TENM2: variants seen among roughly 807,000 people sequenced by gnomAD.
The protein encoded by TENM2 is teneurin transmembrane protein 2, also known as teneurin-2.
TENM2 carries 52 observed loss-of-function variants against 245.2 expected under a neutral mutation model. That is an observed-to-expected ratio of 0.21 (90% CI 0.17 to 0.27). The LOEUF is 0.27. Ranked by LOEUF, TENM2 falls within the 10% of genes least tolerant of loss-of-function variation. The pLI is 1.00. For synonymous variants in TENM2, 1,363 were observed against 1,438.9 expected, an observed-to-expected ratio of 0.95 and a Z score of 1.19; for missense variants, 3,046 against 3,666.8, an observed-to-expected ratio of 0.83 and a Z score of 4.37.
intron 3 of TENM2, among the ~76,000 whole-genome samples, chr5:167,926,128 A>T (rs1174600977): frequency 6.6e-6 from 1 of 152,212 alleles, no homozygotes; most frequent in African/African-American, 2.4e-5. Context: ...GAAAAATAAA[A>T]TAAAAATAAA....
chr5:168,135,716 TA>T (rs35396906), intron 12 of TENM2, among the ~76,000 whole-genome samples: 2,409 of 150,122 alleles, frequency 0.016, 48 homozygotes, highest in African/African-American at 0.052. Flanking sequence ...TCCCTCTAAT[TA>T]AAAAAAAAAT....
intron 2 of TENM2, among the ~76,000 whole-genome samples, chr5:167,654,999 C>A (rs190392140): frequency 6.6e-6 from 1 of 152,144 alleles, no homozygotes; most frequent in African/African-American, 2.4e-5. Context: ...GAAGCCTACA[C>A]GATAAGTGCA....
At chr5:167,279,385 A>G in the TENM2 span, among the ~76,000 whole-genome samples, 1 of 152,096 alleles carries the variant, frequency 6.6e-6, no homozygotes, top group Non-Finnish European at 1.5e-5. Flanking sequence ...CTCTGATGAC[A>G]TGAACATTAG....
At chr5:167,276,350 T>TGTG in the TENM2 span, among the ~76,000 whole-genome samples, 6 of 143,626 alleles carry the variant, frequency 4.2e-5, no homozygotes, top group African/African-American at 1.6e-4. Context: ...AGCCTGTTCA[T>TGTG]TTTGTGTGTG....
chr5:167,734,022 T>A (rs4401595), intron 2 of TENM2, among the ~76,000 whole-genome samples: 37,466 of 152,148 alleles, frequency 0.25, 5,052 homozygotes, highest in East Asian at 0.39. Context: ...TGACTTCAGA[T>A]AACACTTTGC....
intron 2 of TENM2, among the ~76,000 whole-genome samples, chr5:167,602,565 G>C (rs995762211): frequency 6.6e-6 from 1 of 152,138 alleles, no homozygotes; most frequent in Non-Finnish European, 1.5e-5. Flanking sequence ...AGATATTGTT[G>C]AGACTATTTT....
chr5:168,252,802 G>A (rs1320692879), intron 27 of TENM2, among the ~76,000 whole-genome samples: 12 of 150,114 alleles, frequency 8.0e-5, no homozygotes, highest in African/African-American at 1.2e-4. Context: ...AGCTGAGATC[G>A]CACCATTGCA....
intron 6 of TENM2, among the ~76,000 whole-genome samples, chr5:168,058,136 G>A (rs247997): frequency 0.54 from 82,156 of 152,072 alleles, 23,599 homozygotes; most frequent in Non-Finnish European, 0.65. Flanking sequence ...TGAGTTATGC[G>A]TGACAGGATG....
intron 5 of TENM2, among the ~76,000 whole-genome samples, chr5:168,021,629 C>CAAGAAA (rs1240762986): frequency 1.3e-5 from 2 of 152,190 alleles, no homozygotes. Flanking sequence ...AACTCACACT[C>CAAGAAA]AAGAAAAACC....
intron 2 of TENM2, among the ~76,000 whole-genome samples, chr5:167,568,020 A>T (rs1283326963): frequency 1.3e-5 from 2 of 152,072 alleles, no homozygotes; most frequent in Admixed American, 1.3e-4. Context: ...CAGTATACTT[A>T]AAATCTATGT....
At chr5:168,121,001 G>T (rs1002546965) in intron 10 of TENM2, among the ~76,000 whole-genome samples, 1 of 152,202 alleles carries the variant, frequency 6.6e-6, no homozygotes, top group African/African-American at 2.4e-5. Flanking sequence ...ATTAGTTTAA[G>T]TCAGCCATGT....
intron 7 of TENM2, among the ~76,000 whole-genome samples, chr5:168,082,897 G>C (rs1320264447): frequency 1.3e-5 from 2 of 152,190 alleles, no homozygotes; most frequent in Non-Finnish European, 2.9e-5. Flanking sequence ...CTACTAGGGG[G>C]TCAGGGACCC....
At chr5:168,216,822 G>A (rs1300141491) in exon 22 of TENM2, 4 of 1,613,800 alleles carry the variant, frequency 2.5e-6, no homozygotes, top group African/African-American at 1.3e-5. Flanking sequence ...ACCATGATCC[G>A]GAAGGTTGAC....
the TENM2 span, among the ~76,000 whole-genome samples, chr5:167,139,480 G>A: frequency 6.6e-6 from 1 of 152,200 alleles, no homozygotes; most frequent in African/African-American, 2.4e-5. Context: ...AGAATTTAGG[G>A]CATAAAACTC....
the TENM2 span, among the ~76,000 whole-genome samples, chr5:166,992,057 CA>C: frequency 5.8e-5 from 4 of 69,510 alleles, no homozygotes; most frequent in East Asian, 4.0e-4. Flanking sequence ...TTTCATATTC[CA>C]ATTTTTTTTT....
intron 2 of TENM2, among the ~76,000 whole-genome samples, chr5:167,487,251 G>T (rs939060603): frequency 1.3e-5 from 2 of 152,108 alleles, no homozygotes; most frequent in African/African-American, 4.8e-5. Context: ...ATCTGAATTT[G>T]CACAATCATC....
intron 10 of TENM2, among the ~76,000 whole-genome samples, chr5:168,123,748 A>T (rs1795648711): frequency 6.6e-6 from 1 of 152,252 alleles, no homozygotes. Context: ...TGTCTGATCC[A>T]CAAAGCCATA....
intron 26 of TENM2, among the ~76,000 whole-genome samples, chr5:168,246,100 G>C (rs1319325988): frequency 6.6e-6 from 1 of 152,020 alleles, no homozygotes; most frequent in Admixed American, 6.6e-5. Flanking sequence ...AGGCGTGGTG[G>C]TGCATGCCTG....
chr5:167,242,923 T>C, the TENM2 span, among the ~76,000 whole-genome samples: 1 of 152,046 alleles, frequency 6.6e-6, no homozygotes, highest in Non-Finnish European at 1.5e-5. Flanking sequence ...AATCACAGAA[T>C]AGGAGGCCAA....
Sources: gnomAD v4.1 joint callset for allele counts (sites outside exome capture counted in the v4.1 genomes callset) on GRCh38, gnomAD v4.1.1 for gene constraint, MANE v1.5 for transcripts, NCBI Gene and HGNC (gene_info 2026-07-23, HGNC 2026-07-21) for gene names.